C2CD3: variants seen among roughly 807,000 people sequenced by gnomAD.
C2CD3 encodes the protein C2 domain-containing protein 3.
C2CD3 carries 148 observed loss-of-function variants against 234.0 expected under a neutral mutation model. The ratio of observed to expected loss-of-function variants is 0.63; its 90% CI spans 0.55 to 0.72. C2CD3 has a LOEUF of 0.72. Among genes scored for constraint, C2CD3 ranks in the 30% least tolerant of loss-of-function variants. The probability of loss-of-function intolerance (pLI) is 0.00; values close to 1 mark genes in which losing one functional copy is unlikely to be tolerated. For synonymous variants in C2CD3, 1,000 were observed against 1,035.4 expected (o/e 0.97, Z 0.66); for missense variants, 2,577 against 2,811.5 (o/e 0.92, Z 1.89).
At chr11:74,094,869 T>C (rs929026306) in intron 17 of C2CD3, among the ~76,000 whole-genome samples, 4 of 152,200 alleles carry the variant, frequency 2.6e-5, no homozygotes, top group Non-Finnish European at 4.4e-5. Context: ...TCATGGTGGC[T>C]TTACAGAACA....
chr11:74,059,927 C>T (rs1197321286), intron 24 of C2CD3, among the ~76,000 whole-genome samples: 1 of 152,166 alleles, frequency 6.6e-6, no homozygotes, highest in African/African-American at 2.4e-5. Flanking sequence ...CCTAATACTG[C>T]ACTTTTCCAA....
intron 24 of C2CD3, among the ~76,000 whole-genome samples, chr11:74,071,072 G>T (rs1284226274): frequency 6.6e-6 from 1 of 152,200 alleles, no homozygotes; most frequent in East Asian, 1.9e-4. Flanking sequence ...TTATTCCTCT[G>T]TACTAAAAAT....
chr11:74,039,504 C>G (rs79434596), intron 29 of C2CD3, among the ~76,000 whole-genome samples: 4,007 of 152,280 alleles, frequency 0.026, 170 homozygotes, highest in African/African-American at 0.09. Context: ...CAGGCCTTAT[C>G]CTAGACCTAC....
At chr11:74,046,281 T>G (rs1953369216) in intron 28 of C2CD3, among the ~76,000 whole-genome samples, 1 of 152,190 alleles carries the variant, frequency 6.6e-6, no homozygotes, top group Admixed American at 6.5e-5. Flanking sequence ...CTGATTTGCT[T>G]TCTGTCACTA....
At chr11:74,094,761 G>A (rs553212458) in intron 17 of C2CD3, among the ~76,000 whole-genome samples, 44 of 152,280 alleles carry the variant, frequency 2.9e-4, no homozygotes, top group African/African-American at 9.4e-4. Context: ...GTCTACCAGG[G>A]TAAGTTGTTT....
chr11:74,081,629 T>C (rs933515480), intron 22 of C2CD3, among the ~76,000 whole-genome samples: 1 of 151,966 alleles, frequency 6.6e-6, no homozygotes, highest in African/African-American at 2.4e-5. Context: ...ATCATCACCA[T>C]CATCATCATC....
At chr11:74,101,067 A>G (rs1331812178) in intron 14 of C2CD3, among the ~76,000 whole-genome samples, 1 of 152,232 alleles carries the variant, frequency 6.6e-6, no homozygotes, top group Non-Finnish European at 1.5e-5. Flanking sequence ...TGACTTGACA[A>G]GAGTTGAGTA....
At position 74,166,126 on chromosome 11, in the gene C2CD3, C is replaced by T. The variant is rs574889827; in HGVS notation, c.325+2218G>A. On this transcript the variant is annotated intron_variant, in intron 2 of 32. Transcript: ENST00000334126. ...GAGATTGAGACCATCCTGGCTAACA[C>T]GGTGAAACCCCATCTCTACTAAAAA... is the stretch of plus-strand genomic sequence containing the variant. Among the ~76,000 whole-genome samples the T allele has an allele frequency of 2.0e-4, 30 of 152,054 alleles. No individual in the cohort carries two copies. In the East Asian group the frequency reaches 4.9e-3, roughly 25 times the overall value.
intron 3 of C2CD3, among the ~76,000 whole-genome samples, chr11:74,159,816 C>T (rs1856324370): frequency 1.3e-5 from 2 of 152,088 alleles, no homozygotes; most frequent in South Asian, 2.1e-4. Flanking sequence ...TGTCCTAGGC[C>T]TTCACATTCA....
chr11:74,066,548 C>A (rs1253375414), intron 24 of C2CD3, among the ~76,000 whole-genome samples: 1 of 151,998 alleles, frequency 6.6e-6, no homozygotes, highest in Admixed American at 6.6e-5. Context: ...ACTTTATAAC[C>A]CCAGTTAGAG....
chr11:74,080,565 T>A (rs999439732), intron 22 of C2CD3, among the ~76,000 whole-genome samples: 2 of 152,226 alleles, frequency 1.3e-5, no homozygotes, highest in Non-Finnish European at 2.9e-5. Flanking sequence ...AGATGGTTAC[T>A]TTAGCTTTGC....
chr11:74,034,435 A>T, intron 30 of C2CD3, 157 bp from the exon 31 acceptor site: 1 of 1,535,170 alleles, frequency 6.5e-7, no homozygotes, highest in Non-Finnish European at 8.7e-7. Context: ...GACTATATTC[A>T]AGGCGGTACA....
chr11:74,169,078 C>T (rs887049232), intron 1 of C2CD3, among the ~76,000 whole-genome samples: 4 of 152,110 alleles, frequency 2.6e-5, no homozygotes, highest in African/African-American at 7.2e-5. Context: ...AAATCACTAA[C>T]GATAAAACAG....
Position 74,109,135 on chromosome 11 carries a change from G to A in C2CD3, c.1861C>T (p.Arg621Ter), listed in dbSNP as rs750328756. The change falls in exon 12 of 33, where the codon CGA (arginine) becomes TGA (stop). Residue 621 changes from arginine to a stop codon, truncating the protein, a stop_gained. Transcript: ENST00000334126. LOFTEE classifies it high-confidence loss of function. Reference protein sequence around the residue: ...ITDGKVKFQQRFVFPVQFGGP... With the variant: ...ITDGKVKFQQ ...CCAAACTGTACTGGAAACACAAATC[G>A]CTGCTGGAACTTCACCTCTGTAAGG... 4 of 1,576,526 alleles carry A rather than the reference G, an allele frequency of 2.5e-6. No individual in the cohort carries two copies. The highest frequency in any genetic ancestry group is 2.8e-5 in the African/African-American group (2 of 72,396).
chr11:74,139,468 G>C lies in C2CD3; in HGVS notation c.707+137C>G. ...GTATCAAACCAGGACCAGAGTGGGTGCTTCACAGTTATCTGCTAAATGAGG... is the reference window on the plus strand; with the variant it reads ...GTATCAAACCAGGACCAGAGTGGGTCCTTCACAGTTATCTGCTAAATGAGG... On this transcript the variant is annotated intron_variant, in intron 4 of 32. Transcript: ENST00000334126. 3 of 729,652 alleles carry C rather than the reference G, an allele frequency of 4.1e-6. No homozygotes were observed. In the South Asian group the frequency reaches 4.7e-5, roughly 12 times the overall value. The allele number at this position is 729,652 out of a possible 1,614,324, so 45.2% of individuals were successfully genotyped here.
At position 74,106,396 on chromosome 11, in the gene C2CD3, C is replaced by T. The variant is rs1227705766; in HGVS notation, c.2060G>A (p.Gly687Asp). 3.1e-6 allele frequency: 5 copies of T among 1,613,970 alleles called. No homozygotes were observed. The African/African-American group carries it at 6.7e-5, about 22-fold the overall frequency. ...SDQLPVQQENGQSPFGPLKVT... is the reference protein window; with the variant it reads ...SDQLPVQQENDQSPFGPLKVT... ...CTTGAGGGGGCCAAATGGAGACTGACCATTTTCTTGTTGCACTGGAAGCTG... is the reference window on the plus strand; with the variant it reads ...CTTGAGGGGGCCAAATGGAGACTGATCATTTTCTTGTTGCACTGGAAGCTG... The change falls in exon 13 of 33, where the codon GGT (glycine) becomes GAT (aspartate). Residue 687 changes from glycine to aspartate, a missense_variant. Coordinates refer to ENST00000334126, the MANE Select transcript of C2CD3 (RefSeq NM_001286577.2).
chr11:74,135,702 C>T (rs1362145331), intron 5 of C2CD3, among the ~76,000 whole-genome samples: 1 of 152,076 alleles, frequency 6.6e-6, no homozygotes, highest in African/African-American at 2.4e-5. Flanking sequence ...ATTAGTACAT[C>T]AAAGACCAGA....
At chr11:74,149,043 C>G (rs1855414273) in intron 3 of C2CD3, among the ~76,000 whole-genome samples, 1 of 152,220 alleles carries the variant, frequency 6.6e-6, no homozygotes, top group African/African-American at 2.4e-5. Flanking sequence ...CTTTCAATTT[C>G]TATACCTGAT....
chr11:74,151,305 C>CTTTATTTATTTATTTA (rs202206182), intron 3 of C2CD3, among the ~76,000 whole-genome samples: 363 of 133,404 alleles, frequency 2.7e-3, no homozygotes, highest in African/African-American at 9.1e-3. Flanking sequence ...ATCCAACACT[C>CTTTATTTATTTATTTA]TTTATTTATT....
Sources: allele counts gnomAD v4.1 joint callset (sites outside exome capture counted in the v4.1 genomes callset), GRCh38; gene constraint gnomAD v4.1.1; transcripts MANE v1.5; gene names NCBI Gene and HGNC (gene_info 2026-07-23, HGNC 2026-07-21).